FHIT: variants seen among roughly 807,000 people sequenced by gnomAD.
FHIT encodes the protein bis(5'-adenosyl)-triphosphatase.
In FHIT, 19 loss-of-function variants were observed where a neutral mutation model predicts 17.9. That is an observed-to-expected ratio of 1.06 (90% CI 0.74 to 1.56). The LOEUF is 1.56. Among genes scored for constraint, FHIT ranks in the 40% most tolerant of loss-of-function variants. The probability of loss-of-function intolerance (pLI) is 0.00; values close to 1 mark genes in which losing one functional copy is unlikely to be tolerated. For synonymous variants in FHIT, 81 were observed against 69.7 expected, an observed-to-expected ratio of 1.16 and a Z score of -0.81; for missense variants, 248 against 189.2, an observed-to-expected ratio of 1.31 and a Z score of -1.82.
At chr3:61,224,486 G>A (rs879827110) in intron 1 of FHIT, among the ~76,000 whole-genome samples, 10 of 151,952 alleles carry the variant, frequency 6.6e-5, no homozygotes, top group Admixed American at 3.3e-4. Flanking sequence ...ATATGATCTC[G>A]GCTCACTCTG....
intron 5 of FHIT, among the ~76,000 whole-genome samples, chr3:60,203,029 T>C (rs1026131163): frequency 7.2e-5 from 11 of 151,956 alleles, no homozygotes; most frequent in African/African-American, 2.4e-4. Context: ...TAGAAGTACA[T>C]AGACATACAC....
intron 4 of FHIT, among the ~76,000 whole-genome samples, chr3:60,720,401 T>A (rs1211331922): frequency 6.6e-6 from 1 of 152,202 alleles, no homozygotes; most frequent in African/African-American, 2.4e-5. Context: ...AATTAATGAA[T>A]GTTCATTCAT....
At chr3:60,149,505 A>G (rs1700371578) in intron 5 of FHIT, among the ~76,000 whole-genome samples, 1 of 152,144 alleles carries the variant, frequency 6.6e-6, no homozygotes, top group Non-Finnish European at 1.5e-5. Flanking sequence ...ATCAAAATAT[A>G]TCTGCCATTA....
intron 4 of FHIT, among the ~76,000 whole-genome samples, chr3:60,624,706 G>A (rs1302135936): frequency 1.3e-5 from 2 of 152,096 alleles, no homozygotes; most frequent in East Asian, 3.8e-4. Flanking sequence ...CTGACCCTCT[G>A]GCTGTCCATT....
chr3:60,810,930 C>T (rs2736737), intron 4 of FHIT, among the ~76,000 whole-genome samples: 59,346 of 151,904 alleles, frequency 0.39, 13,784 homozygotes, highest in East Asian at 0.75. Flanking sequence ...AATGATTCAG[C>T]GTACTGGAAA....
At chr3:60,854,114 T>G (rs2106925528) in intron 3 of FHIT, among the ~76,000 whole-genome samples, 1 of 152,232 alleles carries the variant, frequency 6.6e-6, no homozygotes, top group South Asian at 2.1e-4. Context: ...TTGTGGTTCC[T>G]CCAAATCATC....
intron 3 of FHIT, among the ~76,000 whole-genome samples, chr3:60,982,893 T>TATA (rs1345319780): frequency 1.3e-5 from 2 of 152,184 alleles, no homozygotes; most frequent in Non-Finnish European, 2.9e-5. Context: ...TGAATCTTAC[T>TATA]AATCTCTCAT....
At chr3:59,761,833 T>C (rs1701532914) in intron 8 of FHIT, among the ~76,000 whole-genome samples, 1 of 152,080 alleles carries the variant, frequency 6.6e-6, no homozygotes, top group Non-Finnish European at 1.5e-5. Flanking sequence ...CCTGACCTCA[T>C]GACCTGCCCG....
chr3:60,008,771 T>C (rs968059720), intron 7 of FHIT, among the ~76,000 whole-genome samples: 4 of 152,232 alleles, frequency 2.6e-5, no homozygotes, highest in African/African-American at 7.2e-5. Context: ...GAGGCTTGAA[T>C]TGTAGTATTC....
At chr3:60,622,767 C>T (rs1045107718) in intron 4 of FHIT, among the ~76,000 whole-genome samples, 2 of 152,190 alleles carry the variant, frequency 1.3e-5, no homozygotes, top group Non-Finnish European at 2.9e-5. Flanking sequence ...GCTAGAATCG[C>T]TCATGAAGTA....
intron 4 of FHIT, among the ~76,000 whole-genome samples, chr3:60,696,259 T>C (rs1716721): frequency 0.79 from 120,321 of 152,040 alleles, 48,769 homozygotes; most frequent in East Asian, 0.9. Context: ...CCAGATCAGT[T>C]TTAAGGTTCC....
rs758560154 is a variant in FHIT, at chr3:60,216,024, C to G, written c.104-201872G>C. On this transcript the variant is annotated intron_variant, in intron 5 of 9. Transcript: ENST00000492590. ...TAAAATGAACACACCCCATATCAAG[C>G]ACATCTTTGTAGGTCAAGATGGCAA... Among the ~76,000 whole-genome samples the G allele has an allele frequency of 1.6e-4, 25 of 152,108 alleles. 1 individual carries two copies. Among genetic ancestry groups the G allele is most frequent in the Admixed American group, 6.5e-4 (10 of 15,272 alleles).
chr3:60,057,540 C>CA (rs1340263524), intron 5 of FHIT, among the ~76,000 whole-genome samples: 1 of 152,176 alleles, frequency 6.6e-6, no homozygotes, highest in Non-Finnish European at 1.5e-5. Flanking sequence ...AAGCCAGTCA[C>CA]AAAGGATGAT....
chr3:60,270,750 G>C (rs1363464531), intron 5 of FHIT, among the ~76,000 whole-genome samples: 2 of 152,198 alleles, frequency 1.3e-5, no homozygotes, highest in African/African-American at 4.8e-5. Context: ...ATTTCCAAGT[G>C]TGAAAGAGGG....
chr3:61,101,760 G>C (rs1430754538), intron 2 of FHIT, among the ~76,000 whole-genome samples: 1 of 152,192 alleles, frequency 6.6e-6, no homozygotes, highest in African/African-American at 2.4e-5. Context: ...TCCTTGAAGA[G>C]GTAATTCACA....
At chr3:59,965,126 T>C (rs566201425) in intron 7 of FHIT, among the ~76,000 whole-genome samples, 1 of 152,284 alleles carries the variant, frequency 6.6e-6, no homozygotes, top group East Asian at 1.9e-4. Flanking sequence ...ATCAGAGAGT[T>C]AGCAAAACAA....
At chr3:61,118,219 G>C (rs1292389761) in intron 2 of FHIT, among the ~76,000 whole-genome samples, 6 of 152,140 alleles carry the variant, frequency 3.9e-5, no homozygotes, top group African/African-American at 1.4e-4. Flanking sequence ...GTCGCTGAAA[G>C]GCCTATCTTC....
At chr3:60,300,335 A>T (rs972354675) in intron 5 of FHIT, among the ~76,000 whole-genome samples, 1 of 152,124 alleles carries the variant, frequency 6.6e-6, no homozygotes, top group Non-Finnish European at 1.5e-5. Flanking sequence ...GACCAAAAAA[A>T]GTGTAACTGA....
At chr3:60,372,965 G>T (rs564866035) in intron 5 of FHIT, among the ~76,000 whole-genome samples, 2 of 152,068 alleles carry the variant, frequency 1.3e-5, no homozygotes, top group Admixed American at 1.3e-4. Flanking sequence ...TCAAATGAAG[G>T]ACTCATTTCT....
Sources: allele counts gnomAD v4.1 joint callset (sites outside exome capture counted in the v4.1 genomes callset), GRCh38; gene constraint gnomAD v4.1.1; transcripts MANE v1.5; gene names NCBI Gene and HGNC (gene_info 2026-07-23, HGNC 2026-07-21).